Variants in PRKG1 observed in about 807,000 individuals in gnomAD.
PRKG1 encodes the protein cGMP-dependent protein kinase 1.
A neutral mutation model predicts 88.1 loss-of-function variants in PRKG1; 35 were observed. The ratio of observed to expected loss-of-function variants is 0.40; its 90% confidence interval spans 0.30 to 0.53. The LOEUF is 0.53. PRKG1 is among the 20% of genes least tolerant of loss of function. PRKG1 has a pLI of 0.59. For missense variants in PRKG1, 540 were observed against 839.8 expected, an observed-to-expected ratio of 0.64 and a Z score of 4.41; for synonymous variants, 303 against 292.5, an observed-to-expected ratio of 1.04 and a Z score of -0.37.
intron 3 of PRKG1, among the ~76,000 whole-genome samples, chr10:51,665,165 A>G (rs1840392435): frequency 1.3e-5 from 2 of 152,222 alleles, no homozygotes; most frequent in Non-Finnish European, 2.9e-5. Context: ...AATAATTTGT[A>G]TCATGTAATG....
At chr10:52,216,709 T>C (rs1204412267) in intron 9 of PRKG1, among the ~76,000 whole-genome samples, 1 of 152,204 alleles carries the variant, frequency 6.6e-6, no homozygotes, top group Non-Finnish European at 1.5e-5. Flanking sequence ...CTTTGGTTTT[T>C]ATACAGTCAT....
At chr10:51,536,735 G>T (rs961729364) in intron 3 of PRKG1, among the ~76,000 whole-genome samples, 6 of 151,572 alleles carry the variant, frequency 4.0e-5, no homozygotes, top group African/African-American at 1.2e-4. Flanking sequence ...GTGCCATGCT[G>T]GTGTGCTGCA....
At chr10:52,181,128 C>T (rs1344713728) in intron 9 of PRKG1, among the ~76,000 whole-genome samples, 1 of 152,116 alleles carries the variant, frequency 6.6e-6, no homozygotes, top group African/African-American at 2.4e-5. Context: ...CTAGTGACAG[C>T]CCTCAGGGCC....
chr10:51,020,568 A>G (rs1193894357), intron 1 of PRKG1, among the ~76,000 whole-genome samples: 4 of 152,334 alleles, frequency 2.6e-5, no homozygotes, highest in Admixed American at 6.5e-5. Flanking sequence ...ATATGAAAAT[A>G]TACTAAAACT....
intron 2 of PRKG1, among the ~76,000 whole-genome samples, chr10:51,214,091 A>G (rs144784066): frequency 1.2e-3 from 177 of 152,308 alleles, no homozygotes; most frequent in African/African-American, 3.8e-3. Context: ...TAAAGCACCT[A>G]GAGTTATTTC....
At chr10:51,141,610 A>G (rs534503486) in intron 1 of PRKG1, among the ~76,000 whole-genome samples, 2 of 152,324 alleles carry the variant, frequency 1.3e-5, no homozygotes, top group African/African-American at 4.8e-5. Flanking sequence ...TACTACTGAA[A>G]GGGACAAAGT....
intron 2 of PRKG1, among the ~76,000 whole-genome samples, chr10:51,172,888 T>C (rs1837082898): frequency 6.6e-6 from 1 of 152,040 alleles, no homozygotes; most frequent in South Asian, 2.1e-4. Flanking sequence ...TAGTCTAATG[T>C]ATTCTAAGTT....
At chr10:52,293,361 C>T (rs1053534056) in intron 17 of PRKG1, among the ~76,000 whole-genome samples, 2 of 151,188 alleles carry the variant, frequency 1.3e-5, no homozygotes, top group Non-Finnish European at 2.9e-5. Context: ...GATTCAATGC[C>T]ATCCCCATCA....
At chr10:52,106,090 G>A (rs1421833582) in intron 7 of PRKG1, among the ~76,000 whole-genome samples, 1 of 152,020 alleles carries the variant, frequency 6.6e-6, no homozygotes, top group African/African-American at 2.4e-5. Flanking sequence ...CCATTCCCGA[G>A]TTACTTCACT....
intron 1 of PRKG1, among the ~76,000 whole-genome samples, chr10:51,103,206 G>A (rs1269884784): frequency 5.3e-5 from 8 of 152,072 alleles, no homozygotes; most frequent in Non-Finnish European, 1.0e-4. Context: ...ATCCATAGAA[G>A]GGGGTCATTA....
At chr10:51,733,851 T>C (rs1048858384) in intron 3 of PRKG1, among the ~76,000 whole-genome samples, 1 of 152,206 alleles carries the variant, frequency 6.6e-6, no homozygotes, top group African/African-American at 2.4e-5. Context: ...ATTTTTCTTC[T>C]CTGTGTTCTC....
intron 4 of PRKG1, among the ~76,000 whole-genome samples, chr10:51,851,527 T>C (rs1840555459): frequency 6.6e-6 from 1 of 152,118 alleles, no homozygotes; most frequent in African/African-American, 2.4e-5. Flanking sequence ...CCTATGGAGG[T>C]GATGGGCCAG....
At chr10:51,783,789 G>C (rs1315963212) in intron 3 of PRKG1, among the ~76,000 whole-genome samples, 3 of 152,080 alleles carry the variant, frequency 2.0e-5, no homozygotes, top group Non-Finnish European at 4.4e-5. Context: ...CACAATATTT[G>C]AATATTATTA....
At chr10:51,298,096 A>G (rs1216621692) in intron 2 of PRKG1, among the ~76,000 whole-genome samples, 1 of 152,146 alleles carries the variant, frequency 6.6e-6, no homozygotes, top group Non-Finnish European at 1.5e-5. Flanking sequence ...TTTTACATGA[A>G]TTATCTCCTA....
At chr10:51,615,464 T>A (rs1363100984) in intron 3 of PRKG1, among the ~76,000 whole-genome samples, 1 of 152,182 alleles carries the variant, frequency 6.6e-6, no homozygotes, top group Admixed American at 6.5e-5. Flanking sequence ...AGGATACTGA[T>A]AACTCAAATA....
intron 5 of PRKG1, among the ~76,000 whole-genome samples, chr10:51,920,211 A>G (rs1396174119): frequency 6.6e-6 from 1 of 152,164 alleles, no homozygotes; most frequent in Admixed American, 6.6e-5. Flanking sequence ...GGAAAGGAAT[A>G]AGACTCATTT....
rs551459037 is a variant in PRKG1 at position 51,022,771 on chromosome 10, A to G, written c.266+31127A>G. 7.7e-4 allele frequency among the ~76,000 whole-genome samples: 117 copies of G among 152,296 alleles called. 1 individual carries two copies. The South Asian group carries it at 0.011, about 14-fold the overall frequency. On this transcript the variant is annotated intron_variant, in intron 1 of 17. Coordinates refer to the PRKG1 transcript ENST00000401604. ...CAAATATAGAAGTGTATATTAATTG[A>G]CTCAAAGTAGAACATAGGATTTAAC...
intron 3 of PRKG1, among the ~76,000 whole-genome samples, chr10:51,543,556 A>G (rs1359791021): frequency 2.0e-5 from 3 of 152,186 alleles, no homozygotes; most frequent in Non-Finnish European, 4.4e-5. Context: ...TACAGATATT[A>G]CTAAAAGTTT....
At chr10:51,357,113 A>G (rs1290098572) in intron 2 of PRKG1, among the ~76,000 whole-genome samples, 1 of 151,976 alleles carries the variant, frequency 6.6e-6, no homozygotes, top group South Asian at 2.1e-4. Context: ...CCTGCTTTCT[A>G]TTAGAATGGC....
Sources: gnomAD v4.1 joint callset for allele counts (sites outside exome capture counted in the v4.1 genomes callset) on GRCh38, gnomAD v4.1.1 for gene constraint, MANE v1.5 for transcripts, NCBI Gene and HGNC (gene_info 2026-07-23, HGNC 2026-07-21) for gene names.